Variants in SLC2A1 observed in about 807,000 individuals in gnomAD.
The protein encoded by SLC2A1 is solute carrier family 2, facilitated glucose transporter member 1.
In SLC2A1, 4 loss-of-function variants were observed where a neutral mutation model predicts 46.6. The observed-to-expected ratio is 0.09, with a 90% CI of 0.04 to 0.20. The LOEUF is 0.20. SLC2A1 is among the 10% of genes least tolerant of loss of function. SLC2A1 has a pLI of 1.00. For synonymous variants in SLC2A1, 253 were observed against 270.0 expected (o/e 0.94, Z 0.62); for missense variants, 352 against 667.0 (o/e 0.53, Z 5.20).
chr1:42,937,163 T>C (rs1643550591), intron 2 of SLC2A1, among the ~76,000 whole-genome samples: 1 of 152,258 alleles, frequency 6.6e-6, no homozygotes, highest in South Asian at 2.1e-4. Context: ...ATTTCCATCA[T>C]CGCCTTTAGA....
At position 42,929,672 on chromosome 1, in the gene SLC2A1, A is replaced by G; in HGVS notation, c.788T>C (p.Phe263Ser). 1 of 1,613,638 alleles carries G rather than the reference A, an allele frequency of 6.2e-7. No individual in the cohort carries two copies. Among genetic ancestry groups the G allele is most frequent in the South Asian group, 1.1e-5 (1 of 91,088 alleles). ...REKKVTILEL[F>S]RSPAYRQPIL... ...GGGCTGGCGGTAGGCGGGGGAGCGGAACAGCTCCAGGATGGTGACCTTCTT... is the reference window on the plus strand; with the variant it reads ...GGGCTGGCGGTAGGCGGGGGAGCGGGACAGCTCCAGGATGGTGACCTTCTT... Residue 263 changes from phenylalanine to serine, a missense_variant, in exon 6 of 10, where the codon TTC (phenylalanine) becomes TCC (serine). Phe to Ser is a radical substitution (Grantham distance 155). Around this residue, in one of 5 missense-constraint regions of SLC2A1, gnomAD observed 167 missense variants for 280.8 expected, o/e 0.59. Coordinates refer to ENST00000426263, the MANE Select transcript of SLC2A1 (RefSeq NM_006516.4). This position sits in a 1 kb window ranked among gnomAD's most constrained non-coding sequence, Gnocchi z 6.0.
At chr1:42,935,307 G>A (rs1643531359) in intron 2 of SLC2A1, among the ~76,000 whole-genome samples, 1 of 152,146 alleles carries the variant, frequency 6.6e-6, no homozygotes. Context: ...CTCACCCGGT[G>A]GCTCTCCTGG....
In SLC2A1 at chr1:42,929,797, G is replaced by A. The variant is rs756274258; in HGVS notation, c.680-17C>T. On this transcript the variant is annotated splice_polypyrimidine_tract_variant and intron_variant, in intron 5 of 9. Transcript: ENST00000426263. The surrounding 1 kb of genome is among the most constrained non-coding windows in gnomAD (Gnocchi z 6.0). Reference sequence around the variant, plus strand: ...TCTTTAGCACTGGGGGGACCGGAGGGAAGGTGAGGGTGGCTCAGAGTGGGA... The same window carrying A: ...TCTTTAGCACTGGGGGGACCGGAGGAAAGGTGAGGGTGGCTCAGAGTGGGA... 2 of 1,614,080 alleles carry A rather than the reference G, an allele frequency of 1.2e-6. No homozygotes were observed. Among genetic ancestry groups the A allele is most frequent in the Admixed American group, 1.7e-5 (1 of 60,008 alleles).
At chr1:42,936,296 C>T (rs1276722111) in intron 2 of SLC2A1, among the ~76,000 whole-genome samples, 1 of 152,202 alleles carries the variant, frequency 6.6e-6, no homozygotes, top group Non-Finnish European at 1.5e-5. Flanking sequence ...AAAGGGCCAG[C>T]TTCTCCGGCT....
chr1:42,944,303 G>C (rs1418009361), intron 1 of SLC2A1, among the ~76,000 whole-genome samples: 4 of 152,152 alleles, frequency 2.6e-5, no homozygotes, highest in Non-Finnish European at 4.4e-5. Flanking sequence ...AGGCCAGCAG[G>C]GTGTCAGCCC....
At chr1:42,942,985 G>A in intron 2 of SLC2A1, 1 of 579,622 alleles carries the variant, frequency 1.7e-6, no homozygotes, top group South Asian at 2.0e-5. Context: ...TTGGTCAAGA[G>A]GGCCTATACA....
Position 42,929,880 on chromosome 1 carries a change from G to C in SLC2A1, c.672C>G (p.Ala224=), listed in dbSNP as rs1643469296. 1 of 1,614,082 alleles carries C rather than the reference G, an allele frequency of 6.2e-7. No homozygotes were observed. The highest frequency in any genetic ancestry group is 1.3e-5 in the African/African-American group (1 of 74,920). Residue 224 remains alanine (A), a synonymous_variant, in exon 5 of 10, where the codon GCC becomes GCG. Coordinates refer to ENST00000426263, the MANE Select transcript of SLC2A1 (RefSeq NM_006516.4). The surrounding 1 kb of genome is among the most constrained non-coding windows in gnomAD (Gnocchi z 6.0). ...LLINRNEENR[A]KSVLKKLRGT... is the part of the protein sequence containing the mutation. Reference sequence around the variant, plus strand: ...GCAGGGCCATGCCCGTACCACTCTTGGCCCGGTTCTCCTCGTTGCGGTTGA... The same window carrying C: ...GCAGGGCCATGCCCGTACCACTCTTCGCCCGGTTCTCCTCGTTGCGGTTGA...
chr1:42,930,234 T>A lies in SLC2A1; in HGVS notation c.517-199A>T. 4.6e-6 allele frequency: 3 copies of A among 659,240 alleles called. No homozygotes were observed. The highest frequency in any genetic ancestry group is 8.0e-6 in the Non-Finnish European group (3 of 373,160). The allele number at this position is 659,240 out of a possible 1,614,324, so 40.8% of individuals were successfully genotyped here. On this transcript the variant is annotated intron_variant, in intron 4 of 9. Coordinates refer to ENST00000426263, the MANE Select transcript of SLC2A1 (RefSeq NM_006516.4). The surrounding 1 kb of genome is among the most constrained non-coding windows in gnomAD (Gnocchi z 6.2). The stretch of plus-strand genomic sequence containing the variant: ...GAAAAGTAGGACCTACCCCACAGTG[T>A]TGCTGGGAGGACAAATGACAAGGCC...
At position 42,943,290 on chromosome 1, in the gene SLC2A1, C is replaced by T. The variant is rs1553156840; in HGVS notation, c.50G>A (p.Gly17Glu). The change falls in exon 2 of 10, where the codon GGA (glycine) becomes GAA (glutamate). Residue 17 changes from glycine to glutamate, a missense_variant. Transcript: ENST00000426263. ...CTGCAGGGAGCCAAGCACTGCTCCT[C>T]CCACGGCCAGCATGAGGCGACCCGT... ...KLTGRLMLAV[G>E]GAVLGSLQFG... The T allele has an allele frequency of 6.2e-7, 1 of 1,613,808 alleles. No individual in the cohort carries two copies. The highest frequency in any genetic ancestry group is 8.5e-7 in the Non-Finnish European group (1 of 1,179,924).
intron 2 of SLC2A1, among the ~76,000 whole-genome samples, chr1:42,935,452 G>A (rs1643532816): frequency 6.6e-6 from 1 of 152,206 alleles, no homozygotes; most frequent in African/African-American, 2.4e-5. Flanking sequence ...CTTTGTAGAG[G>A]GGCATGAGGC....
intron 1 of SLC2A1, among the ~76,000 whole-genome samples, chr1:42,956,280 G>A (rs552144746): frequency 3.3e-5 from 5 of 152,072 alleles, no homozygotes; most frequent in African/African-American, 1.2e-4. Context: ...GGGCGTGGTG[G>A]CTCACGCCTG....
chr1:42,938,483 G>A (rs1382099342), intron 2 of SLC2A1, among the ~76,000 whole-genome samples: 2 of 152,310 alleles, frequency 1.3e-5, no homozygotes, highest in African/African-American at 4.8e-5. Flanking sequence ...AAACATATAA[G>A]GTAGTATGAT....
At position 42,927,336 on chromosome 1, in the gene SLC2A1, TGA is replaced by T; in HGVS notation, c.1279-97_1279-96del. ...TCACTTTACCTTTGGGCCTTTGAGCTGAAAAGGGAACATCCACCTACCCAGGG... is the reference window on the plus strand; with the variant it reads ...TCACTTTACCTTTGGGCCTTTGAGCTAAAGGGAACATCCACCTACCCAGGG... On this transcript the variant is annotated intron_variant, in intron 9 of 9. Transcript: ENST00000426263. This position sits in a 1 kb window ranked among gnomAD's most constrained non-coding sequence, Gnocchi z 5.3. 8.4e-7 allele frequency: 1 copy of T among 1,186,254 alleles called. No individual in the cohort carries two copies. Among genetic ancestry groups the T allele is most frequent in the Non-Finnish European group, 1.2e-6 (1 of 805,534 alleles). The allele number at this position is 1,186,254 out of a possible 1,614,324, so 73.5% of individuals were successfully genotyped here.
chr1:42,932,614 G>A (rs1451776346), intron 2 of SLC2A1, among the ~76,000 whole-genome samples: 2 of 151,816 alleles, frequency 1.3e-5, no homozygotes, highest in African/African-American at 2.4e-5. Context: ...CACACACAGC[G>A]GTATGCAGCC....
intron 2 of SLC2A1, among the ~76,000 whole-genome samples, chr1:42,940,640 G>A (rs371380441): frequency 2.6e-5 from 4 of 152,178 alleles, no homozygotes; most frequent in Admixed American, 1.3e-4. Flanking sequence ...TTGAGATGAG[G>A]TCTTGATGTG....
chr1:42,946,980 G>T (rs1194014159), intron 1 of SLC2A1, among the ~76,000 whole-genome samples: 2 of 152,120 alleles, frequency 1.3e-5, no homozygotes, highest in African/African-American at 4.8e-5. Flanking sequence ...TTCCTTAAAG[G>T]GTTGCTGTTA....
At chr1:42,952,236 A>T (rs1643728766) in intron 1 of SLC2A1, 3 of 420,750 alleles carry the variant, frequency 7.1e-6, no homozygotes, top group African/African-American at 6.0e-5. Context: ...TGTGGAGAGA[A>T]TGAGACCATG....
rs1411878574 is a variant in SLC2A1, at chr1:42,927,843, C to T, written c.1075-35G>A. ...ATGACGGAGAGGGGGAAAAGTTAGA[C>T]TGGGTTGTGATGGATCCTCAGGGGA... On this transcript the variant is annotated intron_variant, in intron 8 of 9. Coordinates refer to ENST00000426263, the MANE Select transcript of SLC2A1 (RefSeq NM_006516.4). The surrounding 1 kb of genome is among the most constrained non-coding windows in gnomAD (Gnocchi z 5.3). 2 of 1,532,544 alleles carry T rather than the reference C, an allele frequency of 1.3e-6. No individual in the cohort carries two copies. Among genetic ancestry groups the T allele is most frequent in the Non-Finnish European group, 1.8e-6 (2 of 1,117,514 alleles). 94.9% of individuals were successfully genotyped at this position (1,532,544 alleles called of 1,614,324 possible). A position where few individuals can be genotyped will look rare whatever the true frequency, so the allele number is the denominator to read the frequency against.
intron 8 of SLC2A1, among the ~76,000 whole-genome samples, chr1:42,928,023 C>T (rs931993119): frequency 6.6e-6 from 1 of 152,172 alleles, no homozygotes; most frequent in African/African-American, 2.4e-5. Flanking sequence ...GTTGAGTCCA[C>T]CCGCTGGGAG....
Sources: gnomAD v4.1 joint callset for allele counts (sites outside exome capture counted in the v4.1 genomes callset) on GRCh38, gnomAD v4.1.1 for gene constraint, gnomAD v4.1.1 regional missense constraint, Gnocchi (gnomAD v3.1) non-coding constraint, MANE v1.5 for transcripts, NCBI Gene and HGNC (gene_info 2026-07-23, HGNC 2026-07-21) for gene names.